The following C2CD3 variants were observed in gnomAD, a reference collection of about 807,000 sequenced individuals.
C2CD3 encodes the protein C2 domain-containing protein 3.
In C2CD3, 148 loss-of-function variants were observed where a neutral mutation model predicts 234.0. The ratio of observed to expected loss-of-function variants is 0.63; its 90% CI spans 0.55 to 0.72. C2CD3 has a LOEUF of 0.72. Among genes scored for constraint, C2CD3 ranks in the 30% least tolerant of loss-of-function variants. The pLI is 0.00. For synonymous variants in C2CD3, 1,000 were observed against 1,035.4 expected (o/e 0.97, Z 0.66); for missense variants, 2,577 against 2,811.5 (o/e 0.92, Z 1.89).
intron 18 of C2CD3, 66 bp downstream of exon 18, chr11:74,093,750 G>A: frequency 7.7e-7 from 1 of 1,291,414 alleles, no homozygotes; most frequent in Non-Finnish European, 1.1e-6. Flanking sequence ...AGGCTGGTTA[G>A]GAGTAGGATG....
intron 14 of C2CD3, among the ~76,000 whole-genome samples, chr11:74,101,829 C>T (rs1956326795): frequency 6.6e-6 from 1 of 151,710 alleles, no homozygotes; most frequent in African/African-American, 2.4e-5. Flanking sequence ...GGAGCTGAGG[C>T]TGGAGAAGTA....
At chr11:74,040,931 C>T (rs951446522) in intron 29 of C2CD3, among the ~76,000 whole-genome samples, 7 of 151,052 alleles carry the variant, frequency 4.6e-5, no homozygotes, top group Admixed American at 2.0e-4. Context: ...CACACGCACA[C>T]ACACACACCC....
intron 7 of C2CD3, among the ~76,000 whole-genome samples, chr11:74,131,598 T>G (rs1171492918): frequency 6.6e-6 from 1 of 151,936 alleles, no homozygotes; most frequent in Non-Finnish European, 1.5e-5. Context: ...CTTTTTTTTT[T>G]TGAGATGGAG....
chr11:74,022,318 T>C (rs952193400), intron 32 of C2CD3, among the ~76,000 whole-genome samples: 3 of 152,116 alleles, frequency 2.0e-5, no homozygotes, highest in African/African-American at 7.2e-5. Flanking sequence ...ACATGGATGG[T>C]GGCTGAATTT....
chr11:74,103,810 TG>T (rs750291182), intron 13 of C2CD3, among the ~76,000 whole-genome samples, 185 bp from the exon 14 acceptor site: 3 of 152,216 alleles, frequency 2.0e-5, no homozygotes, highest in Non-Finnish European at 4.4e-5. Flanking sequence ...ACTAGACAGA[TG>T]ATTTATCAAT....
chr11:74,060,378 G>T (rs991785153), intron 24 of C2CD3, among the ~76,000 whole-genome samples: 1 of 152,166 alleles, frequency 6.6e-6, no homozygotes, highest in South Asian at 2.1e-4. Flanking sequence ...AGTAGGGGCT[G>T]ACTGACACCC....
chr11:74,079,645 A>T (rs1438425821), intron 22 of C2CD3, among the ~76,000 whole-genome samples: 1 of 151,730 alleles, frequency 6.6e-6, no homozygotes, highest in Non-Finnish European at 1.5e-5. Context: ...AAATGGGAGA[A>T]TAATCCTTAC....
intron 26 of C2CD3, among the ~76,000 whole-genome samples, chr11:74,050,361 A>G (rs1953617418): frequency 6.6e-6 from 1 of 152,204 alleles, no homozygotes; most frequent in South Asian, 2.1e-4. Context: ...TCTTCTCTAC[A>G]TGGTAAGGGG....
intron 4 of C2CD3, 27 bp downstream of exon 4, chr11:74,139,578 T>A (rs761668154): frequency 7.0e-7 from 1 of 1,429,894 alleles, no homozygotes; most frequent in Admixed American, 1.7e-5. Flanking sequence ...AACTGACAGA[T>A]TGACTGGTAT....
intron 25 of C2CD3, among the ~76,000 whole-genome samples, chr11:74,056,106 C>T (rs1361649041): frequency 2.6e-5 from 4 of 152,194 alleles, no homozygotes; most frequent in African/African-American, 4.8e-5. Flanking sequence ...GCAGTTCTAG[C>T]TCCTGACTCA....
chr11:74,094,814 A>G (rs990803539), intron 17 of C2CD3, among the ~76,000 whole-genome samples: 7 of 152,332 alleles, frequency 4.6e-5, no homozygotes, highest in Admixed American at 4.6e-4. Flanking sequence ...GTATATGTAC[A>G]TATTTCCCTT....
At chr11:74,079,394 G>A (rs1057018796) in intron 22 of C2CD3, among the ~76,000 whole-genome samples, 1 of 151,822 alleles carries the variant, frequency 6.6e-6, no homozygotes, top group African/African-American at 2.4e-5. Flanking sequence ...TTGTGGGTTT[G>A]TTTGTTTTTT....
At chr11:74,113,117 T>C (rs1447048245) in intron 11 of C2CD3, 1 of 152,212 alleles carries the variant, frequency 6.6e-6, no homozygotes, top group Non-Finnish European at 1.5e-5. Context: ...TACTCAGCCA[T>C]AGAAAGGAAT....
At chr11:74,065,907 C>T (rs1954503325) in intron 24 of C2CD3, among the ~76,000 whole-genome samples, 2 of 109,046 alleles carry the variant, frequency 1.8e-5, no homozygotes, top group Non-Finnish European at 1.8e-5. Flanking sequence ...CACACCAGGG[C>T]CTGTCGTGGG....
chr11:74,041,941 TA>T, intron 29 of C2CD3, 112 bp downstream of exon 29: 1 of 1,018,532 alleles, frequency 9.8e-7, no homozygotes, highest in Non-Finnish European at 1.5e-6. Flanking sequence ...AGCCCTCTAC[TA>T]ATGTTCCTAG....
intron 28 of C2CD3, among the ~76,000 whole-genome samples, chr11:74,047,047 A>C (rs550907858): frequency 6.6e-6 from 1 of 152,382 alleles, no homozygotes; most frequent in Admixed American, 6.5e-5. Context: ...GCTAAAGCTC[A>C]GAAAACTAAA....
chr11:74,126,558 C>A (rs1481343061), intron 7 of C2CD3, among the ~76,000 whole-genome samples: 1 of 152,112 alleles, frequency 6.6e-6, no homozygotes, highest in East Asian at 1.9e-4. Flanking sequence ...GCCTGGCCAA[C>A]ACGGTGAAAC....
At chr11:74,096,633 C>G (rs910558702) in intron 16 of C2CD3, among the ~76,000 whole-genome samples, 3 of 152,090 alleles carry the variant, frequency 2.0e-5, no homozygotes, top group African/African-American at 7.2e-5. Flanking sequence ...TATCTAATCC[C>G]ACAGGTAAAT....
chr11:74,079,540 T>C (rs1955235917), intron 22 of C2CD3, among the ~76,000 whole-genome samples: 1 of 151,108 alleles, frequency 6.6e-6, no homozygotes, highest in Non-Finnish European at 1.5e-5. Context: ...AACTACTCTT[T>C]ATTAAATATC....
Sources: gnomAD v4.1 joint callset for allele counts (sites outside exome capture counted in the v4.1 genomes callset) on GRCh38, gnomAD v4.1.1 for gene constraint, MANE v1.5 for transcripts, NCBI Gene and HGNC (gene_info 2026-07-23, HGNC 2026-07-21) for gene names.